The following EYS variants were observed in gnomAD, a reference collection of about 807,000 sequenced individuals.
The protein encoded by EYS is EGF-like photoreceptor maintenance factor, also known as protein eyes shut homolog.
EYS carries 250 observed loss-of-function variants against 282.1 expected under a neutral mutation model. That is an observed-to-expected ratio of 0.89 (90% CI 0.80 to 0.98). The LOEUF (loss-of-function observed/expected upper bound fraction) is 0.98. EYS is among the 50% of genes least tolerant of loss of function. EYS has a pLI of 0.00. For synonymous variants in EYS, 1,355 were observed against 1,282.9 expected (o/e 1.06, Z -1.20); for missense variants, 4,016 against 3,709.0 (o/e 1.08, Z -2.15).
At chr6:65,369,330 T>TA (rs1554188459) in intron 8 of EYS, among the ~76,000 whole-genome samples, 3 of 138,314 alleles carry the variant, frequency 2.2e-5, no homozygotes, top group African/African-American at 7.8e-5. Context: ...ATATATATAT[T>TA]TATATATATA....
At chr6:64,698,448 G>T (rs540988994) in intron 22 of EYS, among the ~76,000 whole-genome samples, 57 of 151,990 alleles carry the variant, frequency 3.8e-4, no homozygotes, top group Middle Eastern at 3.4e-3. Context: ...GAAAAGAAGA[G>T]GGAAGATTTA....
chr6:65,039,399 A>G (rs1302319114), intron 13 of EYS, among the ~76,000 whole-genome samples: 1 of 151,474 alleles, frequency 6.6e-6, no homozygotes, highest in Non-Finnish European at 1.5e-5. Flanking sequence ...CACTTTCTTA[A>G]GCTGTAAAAT....
intron 5 of EYS, among the ~76,000 whole-genome samples, chr6:65,426,793 G>A (rs1287216936): frequency 1.3e-5 from 2 of 152,044 alleles, no homozygotes; most frequent in Non-Finnish European, 2.9e-5. Context: ...TGTTTTAGGA[G>A]TTTCAACAGA....
Position 63,788,193 on chromosome 6 carries a change from A to G in EYS, c.7635T>C (p.Asn2545=), listed in dbSNP as rs1161244901. The part of the protein sequence containing the change: ...IIAPGRLVGL[N]VFSQFYVGGY... ...CACCTACATAAAACTGACTGAAGAC[A>G]TTGAGACCAACCAGTCTTCCTGGGG... Residue 2545 remains asparagine, a synonymous_variant, in exon 39 of 43, where the codon AAT becomes AAC. Coordinates refer to ENST00000503581, the MANE Select transcript of EYS (RefSeq NM_001142800.2). 9.7e-6 allele frequency: 15 copies of G among 1,547,990 alleles called. No individual in the cohort carries two copies. Among genetic ancestry groups the G allele is most frequent in the Non-Finnish European group, 1.3e-5 (15 of 1,145,222 alleles).
chr6:65,361,226 G>A (rs1764693106), intron 8 of EYS, among the ~76,000 whole-genome samples: 1 of 151,992 alleles, frequency 6.6e-6, no homozygotes, highest in East Asian at 1.9e-4. Context: ...TGGGGAGTGG[G>A]GGAGGAAGGA....
intron 2 of EYS, among the ~76,000 whole-genome samples, chr6:65,589,042 A>T (rs1765146799): frequency 6.6e-6 from 1 of 151,958 alleles, no homozygotes; most frequent in African/African-American, 2.4e-5. Flanking sequence ...CCTCCTGATA[A>T]GTTTATTTTC....
At chr6:63,985,758 C>T (rs1034175217) in intron 34 of EYS, among the ~76,000 whole-genome samples, 3 of 151,652 alleles carry the variant, frequency 2.0e-5, no homozygotes, top group Non-Finnish European at 3.0e-5. Context: ...CCCCTTCTTA[C>T]ACCATATACA....
intron 31 of EYS, among the ~76,000 whole-genome samples, chr6:64,121,356 G>A (rs2150274195): frequency 6.6e-6 from 1 of 152,298 alleles, no homozygotes; most frequent in East Asian, 1.9e-4. Context: ...TCAGGATTCT[G>A]CTGACCACAG....
At chr6:64,330,265 C>A (rs946175896) in intron 29 of EYS, among the ~76,000 whole-genome samples, 1 of 152,132 alleles carries the variant, frequency 6.6e-6, no homozygotes, top group Non-Finnish European at 1.5e-5. Flanking sequence ...AGCGTGAGCT[C>A]GGACATGAGT....
rs779877426 is a variant in EYS at position 64,886,834 on chromosome 6, CA to C, written c.2854del (p.Cys952ValfsTer16). 9.2e-6 allele frequency: 14 copies of C among 1,514,878 alleles called. No individual in the cohort carries two copies. Among genetic ancestry groups the C allele is most frequent in the South Asian group, 3.9e-5 (3 of 76,468 alleles). 93.8% of individuals were successfully genotyped at this position (1,514,878 alleles called of 1,614,324 possible). A position where few individuals can be genotyped will look rare whatever the true frequency, so the allele number is the denominator to read the frequency against. ...TCVDLTNRFF[C>X]NCEPEYHGPF... is the part of the protein sequence containing the mutation. Reference sequence around the variant, plus strand: ...CCCATGGTACTCAGGTTCACAATTACAAAAAAATCTGGAGAAAAGTGGAGAA... The same window carrying C: ...CCCATGGTACTCAGGTTCACAATTACAAAAAATCTGGAGAAAAGTGGAGAA... On this transcript the variant is annotated frameshift_variant, in exon 19 of 43. Coordinates refer to ENST00000503581, the MANE Select transcript of EYS (RefSeq NM_001142800.2). LOFTEE classifies it high-confidence loss of function.
rs575275126 is a variant in EYS at position 65,486,318 on chromosome 6, T to C, written c.862+4276A>G. ...GTGCTTTTTTTCTTGCTTCTTTTCA[T>C]CAACATTCAAAGTTTAGAAATGTTT... On this transcript the variant is annotated intron_variant, in intron 5 of 42. Coordinates refer to ENST00000503581, the MANE Select transcript of EYS (RefSeq NM_001142800.2). Among the ~76,000 whole-genome samples, 5 of 152,326 alleles carry C rather than the reference T, an allele frequency of 3.3e-5. No individual in the cohort carries two copies. The East Asian group carries it at 9.6e-4, about 29-fold the overall frequency.
intron 2 of EYS, among the ~76,000 whole-genome samples, chr6:65,634,787 C>A (rs552366367): frequency 6.6e-6 from 1 of 152,290 alleles, no homozygotes; most frequent in African/African-American, 2.4e-5. Flanking sequence ...TGAGGCCCTG[C>A]AAGCTGAAGC....
At chr6:63,932,348 A>T (rs1764921024) in intron 35 of EYS, among the ~76,000 whole-genome samples, 1 of 152,188 alleles carries the variant, frequency 6.6e-6, no homozygotes, top group Non-Finnish European at 1.5e-5. Context: ...TCTACTGAAC[A>T]TTAGCAGCTA....
chr6:64,350,677 T>A (rs113882245), intron 29 of EYS, among the ~76,000 whole-genome samples: 35 of 151,752 alleles, frequency 2.3e-4, no homozygotes, highest in African/African-American at 7.2e-4. Context: ...GCTCTGGAAT[T>A]ATTCTGGGAA....
chr6:64,106,216 TG>T (rs1773003653), intron 31 of EYS, among the ~76,000 whole-genome samples: 1 of 152,124 alleles, frequency 6.6e-6, no homozygotes, highest in Admixed American at 6.6e-5. Flanking sequence ...GTATATCAAT[TG>T]AACTTTTTTT....
chr6:65,455,786 G>C (rs903499599), intron 5 of EYS, among the ~76,000 whole-genome samples: 1 of 151,838 alleles, frequency 6.6e-6, no homozygotes, highest in Non-Finnish European at 1.5e-5. Context: ...AGAAGCTCAG[G>C]GTCTAATGGG....
chr6:65,598,468 A>G (rs531858312), intron 2 of EYS, among the ~76,000 whole-genome samples: 2 of 152,172 alleles, frequency 1.3e-5, no homozygotes, highest in African/African-American at 4.8e-5. Flanking sequence ...CCAATCAAAC[A>G]AAGCATATGA....
At chr6:65,627,541 A>C (rs1054657659) in intron 2 of EYS, among the ~76,000 whole-genome samples, 1 of 152,138 alleles carries the variant, frequency 6.6e-6, no homozygotes. Flanking sequence ...AGGTGCGAGC[A>C]GGAACCGGGG....
intron 31 of EYS, among the ~76,000 whole-genome samples, chr6:64,114,882 C>A (rs1029417454): frequency 6.6e-6 from 1 of 152,088 alleles, no homozygotes; most frequent in Admixed American, 6.5e-5. Flanking sequence ...CTCGCCCAAC[C>A]CAACAAGAAG....
Sources: gnomAD v4.1 joint callset for allele counts (sites outside exome capture counted in the v4.1 genomes callset) on GRCh38, gnomAD v4.1.1 for gene constraint, MANE v1.5 for transcripts, NCBI Gene and HGNC (gene_info 2026-07-23, HGNC 2026-07-21) for gene names.